Variants in ATP13A2 observed in about 807,000 individuals in gnomAD.
ATP13A2 encodes polyamine-transporting ATPase 13A2.
ATP13A2 carries 83 observed loss-of-function variants against 138.3 expected under a neutral mutation model. The ratio of observed to expected loss-of-function variants is 0.60; its 90% CI spans 0.50 to 0.72. ATP13A2 has a LOEUF of 0.72. ATP13A2 is among the 30% of genes least tolerant of loss of function. The pLI is 0.00. For missense variants in ATP13A2, 1,402 were observed against 1,606.4 expected, an observed-to-expected ratio of 0.87 and a Z score of 2.17; for synonymous variants, 663 against 699.0, an observed-to-expected ratio of 0.95 and a Z score of 0.81.
Position 16,986,757 on chromosome 1 carries a change from C to T in ATP13A2, c.3235+48G>A, listed in dbSNP as rs779674096. ...CATCTGCCTCCCCAGCACCCCAGGG[C>T]TCCTCCCTCCCTCCGCCAGCATCTC... On this transcript the variant is annotated intron_variant, in intron 27 of 28. Coordinates refer to ENST00000326735, the MANE Select transcript of ATP13A2 (RefSeq NM_022089.4). The surrounding 1 kb of genome is among the most constrained non-coding windows in gnomAD (Gnocchi z 6.9). The T allele has an allele frequency of 1.3e-5, 12 of 907,084 alleles. No homozygotes were observed. The highest frequency in any genetic ancestry group is 1.6e-5 in the Non-Finnish European group (11 of 686,448). 56.2% of individuals were successfully genotyped at this position (907,084 alleles called of 1,614,324 possible). A position where few individuals can be genotyped will look rare whatever the true frequency, so the allele number is the denominator to read the frequency against.
Position 17,011,726 on chromosome 1 carries a change from C to A in ATP13A2, c.10+3G>T. On this transcript the variant is annotated splice_donor_region_variant and intron_variant, in intron 1 of 28. Transcript: ENST00000326735. The surrounding 1 kb of genome is among the most constrained non-coding windows in gnomAD (Gnocchi z 7.3). ...TCGGGGCCGACCCGGACTCCGCACT[C>A]ACCTGCGCTCATGCCGGCTCCTCGC... The A allele has an allele frequency of 6.8e-7, 1 of 1,480,110 alleles. No homozygotes were observed. The highest frequency in any genetic ancestry group is 1.3e-5 in the South Asian group (1 of 78,570). The allele number at this position is 1,480,110 out of a possible 1,614,324, so 91.7% of individuals were successfully genotyped here.
chr1:16,987,613 G>A (rs2076784021), intron 25 of ATP13A2, among the ~76,000 whole-genome samples: 1 of 152,196 alleles, frequency 6.6e-6, no homozygotes. Context: ...CTGCCCTCAG[G>A]GAGCTCCTCG....
In ATP13A2 at chr1:17,011,291, G is replaced by C. The variant is rs572141999; in HGVS notation, c.10+438C>G. Reference sequence around the variant, plus strand: ...GAAATGGAGTCCCGACTCCCCCAACGCCATTCATTCATTCATTCAGCCCAG... The same window carrying C: ...GAAATGGAGTCCCGACTCCCCCAACCCCATTCATTCATTCATTCAGCCCAG... On this transcript the variant is annotated intron_variant, in intron 1 of 28. Transcript: ENST00000326735. The surrounding 1 kb of genome is among the most constrained non-coding windows in gnomAD (Gnocchi z 7.3). Among the ~76,000 whole-genome samples the C allele has an allele frequency of 1.1e-3, 171 of 152,182 alleles. 1 individual carries two copies. Among genetic ancestry groups the C allele is most frequent in the African/African-American group, 3.9e-3 (162 of 41,544 alleles).
intron 11 of ATP13A2, among the ~76,000 whole-genome samples, chr1:16,998,061 T>G (rs946066683): frequency 4.6e-5 from 7 of 152,186 alleles, no homozygotes; most frequent in Non-Finnish European, 7.3e-5. Flanking sequence ...ATTGAGCACC[T>G]ACTGTGTGCA....
At position 16,990,261 on chromosome 1, in the gene ATP13A2, C is replaced by T. The variant is rs755595496; in HGVS notation, c.2278G>A (p.Val760Met). The change falls in exon 21 of 29, where the codon GTG becomes ATG. Residue 760 changes from valine (V) to methionine (M), a missense_variant. Val to Met is a conservative substitution (Grantham distance 21). Transcript: ENST00000326735. ...TGDNLQTAVT[V>M]ARGCGMVAPQ... ...GCCACCATGCCACAGCCCCGGGCCA[C>T]AGTCACCGCTGTCTGCAGGTTGTCC... 6.8e-6 allele frequency: 11 copies of T among 1,613,960 alleles called. No individual in the cohort carries two copies. In the East Asian group the frequency reaches 1.3e-4, roughly 20 times the overall value.
rs561585780 is a variant in ATP13A2 at position 17,004,025 on chromosome 1, T to A, written c.557+307A>T. Reference sequence around the variant, plus strand: ...CAGTGACTAAACCCCAAGCAGACAGTCTGAGTACAGAGCTGATAGTCTGAT... The same window carrying A: ...CAGTGACTAAACCCCAAGCAGACAGACTGAGTACAGAGCTGATAGTCTGAT... On this transcript the variant is annotated intron_variant, in intron 6 of 28. Transcript: ENST00000326735. The surrounding 1 kb of genome is among the most constrained non-coding windows in gnomAD (Gnocchi z 4.1). Among the ~76,000 whole-genome samples, 1 of 152,126 alleles carries A rather than the reference T, an allele frequency of 6.6e-6. No individual in the cohort carries two copies. Among genetic ancestry groups the A allele is most frequent in the African/African-American group, 2.4e-5 (1 of 41,424 alleles).
chr1:17,003,081 T>C (rs1171543443), intron 6 of ATP13A2, among the ~76,000 whole-genome samples: 1 of 152,026 alleles, frequency 6.6e-6, no homozygotes, highest in Non-Finnish European at 1.5e-5. Flanking sequence ...CCCAGAGGTG[T>C]GTGGTCTACG....
chr1:17,000,316 T>C lies in ATP13A2; in HGVS notation c.841-4A>G, dbSNP rs112549590. 1.8e-4 allele frequency: 279 copies of C among 1,582,870 alleles called. 1 individual carries two copies. In the African/African-American group the frequency reaches 3.4e-3, roughly 19 times the overall value. On this transcript the variant is annotated splice_polypyrimidine_tract_variant and splice_region_variant and intron_variant, in intron 9 of 28. Coordinates refer to ENST00000326735, the MANE Select transcript of ATP13A2 (RefSeq NM_022089.4). ...TGTCCCTTAGAGTCTGGCTTTGCTGTGGGCAGGGGACAAGAGGGCCGTGAG... is the reference window on the plus strand; with the variant it reads ...TGTCCCTTAGAGTCTGGCTTTGCTGCGGGCAGGGGACAAGAGGGCCGTGAG...
At chr1:17,000,557 C>A in intron 8 of ATP13A2, 23 bp from the exon 9 acceptor site, 1 of 1,609,342 alleles carries the variant, frequency 6.2e-7, no homozygotes, top group Non-Finnish European at 8.5e-7. Context: ...CGGGAGGCAG[C>A]GTCAGGGCCG....
chr1:17,008,001 G>A (rs560275866), intron 1 of ATP13A2, among the ~76,000 whole-genome samples: 1 of 152,234 alleles, frequency 6.6e-6, no homozygotes, highest in East Asian at 1.9e-4. Context: ...CATGGCTAAC[G>A]TATCAACCCT....
rs753464820 is a variant in ATP13A2, at chr1:17,004,319, C to T, written c.557+13G>A. On this transcript the variant is annotated intron_variant, in intron 6 of 28. Transcript: ENST00000326735. The surrounding 1 kb of genome is among the most constrained non-coding windows in gnomAD (Gnocchi z 4.1). ...TGGGAGGTGACATGAGCCACACAGG[C>T]CCTGACTCCTACCTGACCTGGTAGA... 1.2e-6 allele frequency: 2 copies of T among 1,612,644 alleles called. No homozygotes were observed. The highest frequency in any genetic ancestry group is 2.2e-5 in the East Asian group (1 of 44,804).
chr1:16,997,158 G>A lies in ATP13A2; in HGVS notation c.1057C>T (p.Leu353=). Residue 353 remains leucine (L), a synonymous_variant, in exon 12 of 29, where the codon CTG becomes TTG. Transcript: ENST00000326735. ...AGCCCCTCCGGCAGTGCCGTCTTCA[G>A]CACTGGAATGCTCTCTCCTGGTGGG... ...SSLTGESIPV[L]KTALPEGLGP... 1 of 1,613,582 alleles carries A rather than the reference G, an allele frequency of 6.2e-7. No individual in the cohort carries two copies. The highest frequency in any genetic ancestry group is 8.5e-7 in the Non-Finnish European group (1 of 1,180,046).
Position 16,987,161 on chromosome 1 carries a change from C to A in ATP13A2, c.2968G>T (p.Val990Leu), listed in dbSNP as rs571952676. ...RTGPALVLGR[V>L]RPPGALLSVP... ...CTGAGCAGCGCCCCCGGTGGCCGCA[C>A]CCGTCCCAGGACCAGCGCTGGCCCC... The change falls in exon 26 of 29, where the codon GTG (valine) becomes TTG (leucine). Residue 990 changes from valine to leucine, a missense_variant. Physicochemically the swap from Val to Leu is conservative, Grantham distance 32. Transcript: ENST00000326735. 1.2e-6 allele frequency: 2 copies of A among 1,613,124 alleles called. No individual in the cohort carries two copies. Among genetic ancestry groups the A allele is most frequent in the African/African-American group, 2.7e-5 (2 of 74,916 alleles).
At position 17,000,495 on chromosome 1, in the gene ATP13A2, C is replaced by T. The variant is rs199661793; in HGVS notation, c.745G>A (p.Ala249Thr). ...PYYGFQAFSI[A>T]LWLADHYYWY... ...TAGTAGTGGTCAGCCAGCCACAGCGCGATGCTGAAGGCCTGGAACCCATAG... is the reference window on the plus strand; with the variant it reads ...TAGTAGTGGTCAGCCAGCCACAGCGTGATGCTGAAGGCCTGGAACCCATAG... The change falls in exon 9 of 29, where the codon GCG becomes ACG. Residue 249 changes from alanine to threonine, a missense_variant. Coordinates refer to ENST00000326735, the MANE Select transcript of ATP13A2 (RefSeq NM_022089.4). 89 of 1,614,028 alleles carry T rather than the reference C, an allele frequency of 5.5e-5. No individual in the cohort carries two copies. The East Asian group carries it at 1.3e-3, about 23-fold the overall frequency.
Position 17,004,717 on chromosome 1 carries a change from C to T in ATP13A2, c.452G>A (p.Ser151Asn). The T allele has an allele frequency of 3.7e-6, 6 of 1,614,126 alleles. No homozygotes were observed. Among genetic ancestry groups the T allele is most frequent in the Non-Finnish European group, 5.1e-6 (6 of 1,180,028 alleles). ...AWKDTAQLHK[S>N]EEAVSVGQKR... The stretch of plus-strand genomic sequence containing the variant: ...CTGTCCGACACTCACCGCCTCCTCG[C>T]TCTTGTGGAGCTGGGCCGTATCCTT... Residue 151 changes from serine (S) to asparagine (N), a missense_variant, in exon 5 of 29, where the codon AGC becomes AAC. Ser to Asn is a conservative substitution (Grantham distance 46, BLOSUM62 1). Coordinates refer to ENST00000326735, the MANE Select transcript of ATP13A2 (RefSeq NM_022089.4). The surrounding 1 kb of genome is among the most constrained non-coding windows in gnomAD (Gnocchi z 4.1).
chr1:16,990,439 A>C, intron 20 of ATP13A2, 152 bp from the exon 21 acceptor site: 1 of 1,000,176 alleles, frequency 1.0e-6, no homozygotes, highest in South Asian at 1.6e-5. Context: ...CCTTTGCCTC[A>C]GTTTTCTCAT....
chr1:17,003,503 G>A (rs1213146221), intron 6 of ATP13A2, among the ~76,000 whole-genome samples: 6 of 151,468 alleles, frequency 4.0e-5, no homozygotes, highest in Admixed American at 3.3e-4. Context: ...GGTGCAGTGA[G>A]CCGAGAATGC....
chr1:16,996,763 A>G (rs1161195373), intron 12 of ATP13A2: 3 of 622,400 alleles, frequency 4.8e-6, no homozygotes, highest in African/African-American at 1.8e-5. Flanking sequence ...TGCCCGCTAC[A>G]TCCCTGCCCG....
intron 1 of ATP13A2, among the ~76,000 whole-genome samples, chr1:17,010,027 T>G (rs991762335): frequency 2.4e-4 from 36 of 151,944 alleles, no homozygotes; most frequent in Admixed American, 5.2e-4. Flanking sequence ...ACAGGCTGTG[T>G]GGGGGGGCGA....
Sources: gnomAD v4.1 joint callset for allele counts (sites outside exome capture counted in the v4.1 genomes callset) on GRCh38, gnomAD v4.1.1 for gene constraint, Gnocchi (gnomAD v3.1) non-coding constraint, MANE v1.5 for transcripts, NCBI Gene and HGNC (gene_info 2026-07-23, HGNC 2026-07-21) for gene names.